The following MACF1 variants were observed in gnomAD, a reference collection of about 807,000 sequenced individuals.
MACF1 encodes microtubule actin crosslinking factor 1.
Under a neutral mutation model 854.8 loss-of-function variants are expected in MACF1, and 193 were observed. The ratio of observed to expected loss-of-function variants is 0.23; its 90% CI spans 0.20 to 0.25. The LOEUF is 0.25. Among genes scored for constraint, MACF1 ranks in the 10% least tolerant of loss-of-function variants. The probability of loss-of-function intolerance (pLI) is 1.00; values close to 1 mark genes in which losing one functional copy is unlikely to be tolerated. For synonymous variants in MACF1, 3,185 were observed against 3,226.7 expected, an observed-to-expected ratio of 0.99 and a Z score of 0.44; for missense variants, 7,722 against 8,929.1, an observed-to-expected ratio of 0.86 and a Z score of 5.45.
chr1:39,389,845 A>G (rs903046181), intron 58 of MACF1, among the ~76,000 whole-genome samples: 1 of 152,254 alleles, frequency 6.6e-6, no homozygotes, highest in African/African-American at 2.4e-5. Flanking sequence ...TCTCCCATTT[A>G]TATAGTAAGC....
At position 39,315,304 on chromosome 1, in the gene MACF1, T is replaced by C. The variant is rs557553791; in HGVS notation, c.3271-209T>C. Among the ~76,000 whole-genome samples, 10 of 152,348 alleles carry C rather than the reference T, an allele frequency of 6.6e-5. No individual in the cohort carries two copies. The South Asian group carries it at 2.1e-3, about 32-fold the overall frequency. ...GCTTTTTCTGCTTAAAAATATATCC[T>C]AAAACCACTTAATTCACAGAAATCT... On this transcript the variant is annotated intron_variant, in intron 26 of 100. Transcript: ENST00000564288.
At position 39,331,947 on chromosome 1, in the gene MACF1, G is replaced by T; in HGVS notation, c.5359G>T (p.Glu1787Ter). 1 of 1,614,118 alleles carries T rather than the reference G, an allele frequency of 6.2e-7. No individual in the cohort carries two copies. Among genetic ancestry groups the T allele is most frequent in the Non-Finnish European group, 8.5e-7 (1 of 1,180,024 alleles). Residue 1787 changes from glutamate to a stop codon, truncating the protein, a stop_gained, in exon 37 of 101, where the codon GAA becomes TAA. Transcript: ENST00000564288. LOFTEE classifies it high-confidence loss of function. ...DPRTGHRLTV[E>*]EAVRHNLIDQ... ...AAGAACAGGACACAGACTTACAGTG[G>T]AAGAGGCTGTAAGACATAATCTGAT...
intron 65 of MACF1, 41 bp from the exon 66 acceptor site, chr1:39,430,657 CTTTA>C: frequency 6.6e-7 from 1 of 1,513,392 alleles, no homozygotes; most frequent in Non-Finnish European, 9.2e-7. Flanking sequence ...TGCTGATGTG[CTTTA>C]TTTAGCAAGG....
At chr1:39,151,608 C>T (rs1283494448) in intron 2 of MACF1, among the ~76,000 whole-genome samples, 3 of 152,188 alleles carry the variant, frequency 2.0e-5, no homozygotes, top group Non-Finnish European at 4.4e-5. Flanking sequence ...CTGTCTGAAA[C>T]ACCCTGTTCC....
chr1:39,291,691 AG>A (rs1645793477), intron 15 of MACF1, among the ~76,000 whole-genome samples: 1 of 152,184 alleles, frequency 6.6e-6, no homozygotes, highest in South Asian at 2.1e-4. Context: ...CAGCAGCAAA[AG>A]GCTGCTCTGT....
rs1262725358 is a variant in MACF1, at chr1:39,204,999, G to A, written c.-24G>A. ...GCGCTGAGCTTGTGGCTAACTCAAG[G>A]GAGGAGAAAGGACGGGCCTGGAAAT... On this transcript the variant is annotated 5_prime_UTR_variant, in exon 1 of 101. Coordinates refer to ENST00000564288, the MANE Select transcript of MACF1 (RefSeq NM_001394062.1). The A allele has an allele frequency of 2.8e-6, 2 of 702,874 alleles. No individual in the cohort carries two copies. The highest frequency in any genetic ancestry group is 5.2e-6 in the Non-Finnish European group (2 of 384,940). 43.5% of individuals were successfully genotyped at this position (702,874 alleles called of 1,614,324 possible).
chr1:39,393,196 A>AAAAT (rs57576149), intron 58 of MACF1, among the ~76,000 whole-genome samples: 967 of 66,502 alleles, frequency 0.015, 14 homozygotes, highest in Non-Finnish European at 0.021. Context: ...AAAAAAAAAA[A>AAAAT]ATATATATAT....
chr1:39,243,282 A>G (rs1387710021), intron 2 of MACF1, among the ~76,000 whole-genome samples: 1 of 152,254 alleles, frequency 6.6e-6, no homozygotes, highest in African/African-American at 2.4e-5. Context: ...GAGTGCAAAC[A>G]GGCAAGGCCC....
At chr1:39,337,865 G>T (rs558123015) in intron 38 of MACF1, among the ~76,000 whole-genome samples, 2 of 151,800 alleles carry the variant, frequency 1.3e-5, no homozygotes, top group African/African-American at 2.4e-5. Context: ...TGCCTCCCGG[G>T]TTTCCGCCAT....
Position 39,360,766 on chromosome 1 carries a change from CT to C in MACF1, c.12245-24del, listed in dbSNP as rs1648122228. The C allele has an allele frequency of 4.2e-6, 6 of 1,429,552 alleles. No individual in the cohort carries two copies. In the East Asian group the frequency reaches 1.4e-4, roughly 34 times the overall value. The allele number at this position is 1,429,552 out of a possible 1,614,324, so 88.6% of individuals were successfully genotyped here. On this transcript the variant is annotated intron_variant, in intron 47 of 100. Transcript: ENST00000564288. ...GCATAATACAAAAATTGTCTCCACT[CT>C]TTCTTTTCATGGCCTGATTTTTCAG...
intron 66 of MACF1, 44 bp downstream of exon 66, chr1:39,430,952 G>A: frequency 6.6e-7 from 1 of 1,509,442 alleles, no homozygotes; most frequent in Non-Finnish European, 9.2e-7. Flanking sequence ...AGACAGTATT[G>A]ATGTGTGAGA....
chr1:39,326,965 T>C (rs1646626517), intron 35 of MACF1, among the ~76,000 whole-genome samples: 1 of 152,062 alleles, frequency 6.6e-6, no homozygotes, highest in South Asian at 2.1e-4. Flanking sequence ...AAGTTTGACA[T>C]TTGGGGGTGG....
rs759618525 is a variant in MACF1 at position 39,382,111 on chromosome 1, A to G, written c.13807A>G (p.Ile4603Val). The G allele has an allele frequency of 3.1e-6, 5 of 1,613,918 alleles. No individual in the cohort carries two copies. Among genetic ancestry groups the G allele is most frequent in the African/African-American group, 1.3e-5 (1 of 74,884 alleles). ...GATGGGAGTGCTGGGGCCCCTGTCT[A>G]TTGACCCCAACATGTTGAATGCACA... ...LMMGVLGPLS[I>V]DPNMLNAQKQ... Residue 4603 changes from isoleucine to valine, a missense_variant, in exon 56 of 101, where the codon ATT (isoleucine) becomes GTT (valine). Ile to Val is a conservative substitution (Grantham distance 29, BLOSUM62 3). This residue lies in a region of MACF1 where 2,807 missense variants were observed against 3,235.8 expected (regional missense o/e 0.87). Transcript: ENST00000564288.
rs1645845976 is a variant in MACF1, at chr1:39,293,894, A to G, written c.2154+275A>G. Reference sequence around the variant, plus strand: ...TGAGTCATTTCAGAAGCAATACAGCATTGTGGTTAAGATTATAGGCTTTGG... The same window carrying G: ...TGAGTCATTTCAGAAGCAATACAGCGTTGTGGTTAAGATTATAGGCTTTGG... On this transcript the variant is annotated intron_variant, in intron 18 of 100. Coordinates refer to ENST00000564288, the MANE Select transcript of MACF1 (RefSeq NM_001394062.1). 1.3e-5 allele frequency among the ~76,000 whole-genome samples: 2 copies of G among 152,106 alleles called. 1 individual carries two copies. Among genetic ancestry groups the G allele is most frequent in the South Asian group, 4.1e-4 (2 of 4,826 alleles).
At chr1:39,186,170 A>ATCTCTCTC (rs55658204) in intron 2 of MACF1, among the ~76,000 whole-genome samples, 156 of 109,870 alleles carry the variant, frequency 1.4e-3, no homozygotes, top group Non-Finnish European at 1.9e-3. Flanking sequence ...GATTCTGAAC[A>ATCTCTCTC]TCTCTCTCTC....
At chr1:39,126,914 A>G (rs1172125293) in intron 2 of MACF1, among the ~76,000 whole-genome samples, 6 of 152,146 alleles carry the variant, frequency 3.9e-5, no homozygotes, top group African/African-American at 1.4e-4. Flanking sequence ...TTTATTACTA[A>G]GATTTAACTA....
chr1:39,378,432 C>T (rs765945336), intron 52 of MACF1, 29 bp from the exon 53 acceptor site: 3 of 1,595,726 alleles, frequency 1.9e-6, no homozygotes, highest in Admixed American at 3.3e-5. Flanking sequence ...TTGGTCTTGC[C>T]CTGTTTGTCT....
In MACF1 at chr1:39,453,801, T is replaced by C; in HGVS notation, c.20837T>C (p.Ile6946Thr). The part of the protein sequence containing the change: ...VILAVCHPDC[I>T]TTIKHWITII... The stretch of plus-strand genomic sequence containing the variant: ...CTGGCTGTCTGCCACCCCGATTGCA[T>C]CACAACCATCAAACACTGGATCACC... The change falls in exon 88 of 101, where the codon ATC (isoleucine) becomes ACC (threonine). Residue 6946 changes from isoleucine to threonine, a missense_variant. This residue lies in a region of MACF1 where 729 missense variants were observed against 900.5 expected (regional missense o/e 0.81). Coordinates refer to ENST00000564288, the MANE Select transcript of MACF1 (RefSeq NM_001394062.1). The C allele has an allele frequency of 6.2e-7, 1 of 1,614,160 alleles. No individual in the cohort carries two copies. Among genetic ancestry groups the C allele is most frequent in the Non-Finnish European group, 8.5e-7 (1 of 1,180,022 alleles).
At chr1:39,427,647 A>C (rs1478871209) in intron 62 of MACF1, 33 bp downstream of exon 62, 2 of 1,592,528 alleles carry the variant, frequency 1.3e-6, no homozygotes, top group Non-Finnish European at 8.5e-7. Flanking sequence ...GAAAATAGAA[A>C]ACTGGAATTA....
Sources: allele counts gnomAD v4.1 joint callset (sites outside exome capture counted in the v4.1 genomes callset), GRCh38; gene constraint gnomAD v4.1.1; regional missense constraint gnomAD v4.1.1; transcripts MANE v1.5; gene names NCBI Gene and HGNC (gene_info 2026-07-23, HGNC 2026-07-21).